The following LRRC7 variants were observed in gnomAD, a reference collection of about 807,000 sequenced individuals.
LRRC7 encodes leucine rich repeat containing 7.
LRRC7 carries 23 observed loss-of-function variants against 175.7 expected under a neutral mutation model. That is an observed-to-expected ratio of 0.13 (90% CI 0.09 to 0.19). The LOEUF (loss-of-function observed/expected upper bound fraction) is 0.19. LRRC7 is among the 10% of genes least tolerant of loss of function. The pLI, the probability that LRRC7 is intolerant of heterozygous loss-of-function variation, is 1.00. For synonymous variants in LRRC7, 685 were observed against 680.9 expected, an observed-to-expected ratio of 1.01 and a Z score of -0.09; for missense variants, 1,354 against 1,904.7, an observed-to-expected ratio of 0.71 and a Z score of 5.38.
chr1:69,717,790 GAAAGAAAGAAAGAAAGAAAGAAAGAAAGA>G (rs1665585870), intron 2 of LRRC7, among the ~76,000 whole-genome samples: 1 of 19,824 alleles, frequency 5.0e-5, no homozygotes, highest in Non-Finnish European at 9.1e-5. Context: ...AAGAAAGAAA[GAAAGAAAGAAAGAAAGAAAGAAAGAAAGA>G]AAGAAAGAAA....
At chr1:70,012,614 A>G (rs2101953990) in intron 12 of LRRC7, among the ~76,000 whole-genome samples, 1 of 151,872 alleles carries the variant, frequency 6.6e-6, no homozygotes, top group Middle Eastern at 3.4e-3. Context: ...ACAATATTGT[A>G]TTTTTGAGTG....
intron 7 of LRRC7, among the ~76,000 whole-genome samples, chr1:69,854,693 G>T (rs1224585313): frequency 1.3e-5 from 2 of 152,008 alleles, no homozygotes; most frequent in Admixed American, 1.3e-4. Flanking sequence ...TCCTTTGGGG[G>T]AAAAACAGCT....
chr1:70,076,154 A>G lies in LRRC7; in HGVS notation c.4308A>G (p.Gly1436=), dbSNP rs1662760153. Residue 1436 remains glycine, a synonymous_variant, in exon 24 of 27, where the codon GGA becomes GGG. Coordinates refer to ENST00000651989, the MANE Select transcript of LRRC7 (RefSeq NM_001370785.2). ...HRSREQQPYE[G]NINKVTIQQF... ...GCCGGGAGCAGCAGCCGTATGAAGG[A>G]AATATAAACAAAGTGACCATCCAGC... is the stretch of plus-strand genomic sequence containing the variant. 6.2e-7 allele frequency: 1 copy of G among 1,614,090 alleles called. No individual in the cohort carries two copies. Among genetic ancestry groups the G allele is most frequent in the Non-Finnish European group, 8.5e-7 (1 of 1,179,978 alleles).
chr1:69,930,675 G>C (rs112482122), intron 7 of LRRC7, among the ~76,000 whole-genome samples: 1 of 152,144 alleles, frequency 6.6e-6, no homozygotes, highest in East Asian at 1.9e-4. Flanking sequence ...TCCAGACTGG[G>C]TAATTTATAT....
At chr1:69,696,175 G>C (rs1662557846) in intron 2 of LRRC7, among the ~76,000 whole-genome samples, 1 of 152,206 alleles carries the variant, frequency 6.6e-6, no homozygotes, top group Non-Finnish European at 1.5e-5. Flanking sequence ...CAGAGGTAGA[G>C]TTGCCCAACG....
At chr1:69,980,281 A>C in intron 8 of LRRC7, 98 bp from the exon 9 acceptor site, 1 of 1,061,280 alleles carries the variant, frequency 9.4e-7, no homozygotes, top group Non-Finnish European at 1.4e-6. Flanking sequence ...TTCCCAAATA[A>C]AAGCTCAAGA....
At chr1:69,755,349 C>CAT (rs144848619) in intron 2 of LRRC7, among the ~76,000 whole-genome samples, 2,773 of 144,356 alleles carry the variant, frequency 0.019, 79 homozygotes, top group African/African-American at 0.064. Context: ...TATACACACA[C>CAT]ATATATATAT....
intron 8 of LRRC7, among the ~76,000 whole-genome samples, chr1:69,938,834 A>G (rs1159358950): frequency 2.6e-5 from 4 of 151,666 alleles, no homozygotes; most frequent in East Asian, 3.9e-4. Context: ...ATCAAATTGT[A>G]TAATTTATTC....
chr1:69,758,703 T>G (rs1306721418), intron 2 of LRRC7, among the ~76,000 whole-genome samples: 1 of 151,972 alleles, frequency 6.6e-6, no homozygotes, highest in Non-Finnish European at 1.5e-5. Flanking sequence ...TGTTCCCTTC[T>G]TAGTGGCCAT....
intron 1 of LRRC7, among the ~76,000 whole-genome samples, chr1:69,600,794 TG>T (rs57189286): frequency 0.87 from 76,419 of 87,338 alleles, 33,220 homozygotes; most frequent in East Asian, 0.97. Flanking sequence ...CAAGGATCTC[TG>T]GTTTCTTTTT....
At chr1:69,905,556 T>A (rs1646276174) in intron 7 of LRRC7, among the ~76,000 whole-genome samples, 1 of 152,174 alleles carries the variant, frequency 6.6e-6, no homozygotes, top group Non-Finnish European at 1.5e-5. Context: ...TGGTTTCCAG[T>A]TTCATCCATG....
At chr1:69,747,930 C>T (rs574077156) in intron 2 of LRRC7, among the ~76,000 whole-genome samples, 338 of 152,212 alleles carry the variant, frequency 2.2e-3, no homozygotes, top group African/African-American at 7.7e-3. Flanking sequence ...ATGCCTTTAA[C>T]TTCCTTGCAG....
chr1:69,641,128 A>G (rs1321981959), intron 1 of LRRC7, among the ~76,000 whole-genome samples: 2 of 151,744 alleles, frequency 1.3e-5, no homozygotes, highest in East Asian at 1.9e-4. Context: ...AGTTATAGTA[A>G]TATTTTATAA....
intron 8 of LRRC7, among the ~76,000 whole-genome samples, chr1:69,958,167 C>A (rs1182568781): frequency 2.0e-5 from 3 of 151,892 alleles, no homozygotes; most frequent in African/African-American, 4.8e-5. Flanking sequence ...CATAAAATTT[C>A]TTTTAATCAA....
Position 69,754,940 on chromosome 1 carries a change from A to G in LRRC7, c.101-5251A>G, listed in dbSNP as rs142160061. The stretch of plus-strand genomic sequence containing the variant: ...ATGATATTGTAAAGAAAAAAAGGGT[A>G]CAATTAGAAGGGTAACAGTCTAGGG... On this transcript the variant is annotated intron_variant, in intron 2 of 26. Transcript: ENST00000651989. Among the ~76,000 whole-genome samples, 59 of 152,122 alleles carry G rather than the reference A, an allele frequency of 3.9e-4. No individual in the cohort carries two copies. In the East Asian group the frequency reaches 0.011, roughly 28 times the overall value.
chr1:69,764,772 G>GAT (rs1340389864), intron 3 of LRRC7, among the ~76,000 whole-genome samples: 4 of 151,044 alleles, frequency 2.6e-5, no homozygotes, highest in Admixed American at 6.6e-5. Context: ...TAGATAGATA[G>GAT]ATAGATAGAC....
At chr1:69,831,767 A>G (rs1680551505) in intron 5 of LRRC7, among the ~76,000 whole-genome samples, 1 of 152,140 alleles carries the variant, frequency 6.6e-6, no homozygotes, top group South Asian at 2.1e-4. Context: ...CAGTGAAAAT[A>G]ACCAATATCA....
chr1:69,994,679 A>G (rs1317513298), intron 11 of LRRC7, 46 bp downstream of exon 11: 1 of 1,292,024 alleles, frequency 7.7e-7, no homozygotes, highest in South Asian at 1.2e-5. Context: ...AAAGCCAGAA[A>G]CTAAAGGATA....
At chr1:69,849,613 AG>A (rs1452041549) in intron 7 of LRRC7, among the ~76,000 whole-genome samples, 3 of 152,122 alleles carry the variant, frequency 2.0e-5, no homozygotes, top group African/African-American at 7.2e-5. Context: ...AATACCTAAA[AG>A]CTTTACTTTA....
Sources: gnomAD v4.1 joint callset for allele counts (sites outside exome capture counted in the v4.1 genomes callset) on GRCh38, gnomAD v4.1.1 for gene constraint, MANE v1.5 for transcripts, NCBI Gene and HGNC (gene_info 2026-07-23, HGNC 2026-07-21) for gene names.